Variants in VPS13A observed in about 807,000 individuals in gnomAD.
VPS13A encodes vacuolar protein sorting 13 homolog A, also known as intermembrane lipid transfer protein VPS13A.
In VPS13A, 264 loss-of-function variants were observed where a neutral mutation model predicts 390.9. The observed-to-expected ratio is 0.68, with a 90% CI of 0.61 to 0.75. VPS13A has a LOEUF of 0.75. Among genes scored for constraint, VPS13A ranks in the 30% least tolerant of loss-of-function variants. The probability of loss-of-function intolerance (pLI) is 0.00; values close to 1 mark genes in which losing one functional copy is unlikely to be tolerated. For missense variants in VPS13A, 3,409 were observed against 3,733.9 expected, an observed-to-expected ratio of 0.91 and a Z score of 2.27; for synonymous variants, 1,231 against 1,227.1, an observed-to-expected ratio of 1.00 and a Z score of -0.07.
Position 77,336,999 on chromosome 9 carries a change from G to T in VPS13A, c.6096-256G>T, listed in dbSNP as rs7023646. Among the ~76,000 whole-genome samples the T allele has an allele frequency of 5.4e-3, 821 of 151,484 alleles. 9 individuals carry two copies. Among genetic ancestry groups the T allele is most frequent in the African/African-American group, 0.019 (776 of 41,340 alleles). ...TTTTTAGTAGAGACGGGGTTTCACC[G>T]TCTTAGCCAGGATGGTCTCAATCTC... is the stretch of plus-strand genomic sequence containing the variant. On this transcript the variant is annotated intron_variant, in intron 46 of 71. Coordinates refer to ENST00000360280, the MANE Select transcript of VPS13A (RefSeq NM_033305.3).
At chr9:77,398,048 C>G (rs986586462) in intron 68 of VPS13A, among the ~76,000 whole-genome samples, 1 of 152,116 alleles carries the variant, frequency 6.6e-6, no homozygotes, top group Non-Finnish European at 1.5e-5. Context: ...CCTGATTTTG[C>G]TAATTCTTCA....
intron 34 of VPS13A, among the ~76,000 whole-genome samples, chr9:77,305,196 C>T (rs1053706619): frequency 1.3e-5 from 2 of 152,224 alleles, no homozygotes; most frequent in African/African-American, 4.8e-5. Flanking sequence ...CCTTGGCCTC[C>T]CAAAGTGCTG....
intron 57 of VPS13A, 76 bp from the exon 58 acceptor site, chr9:77,359,257 G>A (rs1368583066): frequency 8.6e-7 from 1 of 1,161,210 alleles, no homozygotes. Flanking sequence ...ATTTTCCATT[G>A]TGGTGTATAT....
rs143065513 is a variant in VPS13A at position 77,314,165 on chromosome 9, G to A, written c.4242+46G>A. 5.9e-5 allele frequency: 95 copies of A among 1,603,258 alleles called. No individual in the cohort carries two copies. In the East Asian group the frequency reaches 2.0e-3, roughly 34 times the overall value. Reference sequence around the variant, plus strand: ...AAATGTATTTTCACATGTGAAATTTGCATAGGTTGATGTTTTTAAAGTAAC... The same window carrying A: ...AAATGTATTTTCACATGTGAAATTTACATAGGTTGATGTTTTTAAAGTAAC... On this transcript the variant is annotated intron_variant, in intron 36 of 71. Coordinates refer to ENST00000360280, the MANE Select transcript of VPS13A (RefSeq NM_033305.3).
Position 77,344,400 on chromosome 9 carries a change from A to T in VPS13A, c.7155+119A>T, listed in dbSNP as rs1831028125. The stretch of plus-strand genomic sequence containing the variant: ...TGTTGATTTTTCCCCTTTCCCCAAA[A>T]ACGAACAAACATTTCTTTTTGTAGA... On this transcript the variant is annotated intron_variant, in intron 51 of 71. Coordinates refer to ENST00000360280, the MANE Select transcript of VPS13A (RefSeq NM_033305.3). 1.1e-5 allele frequency: 12 copies of T among 1,116,772 alleles called. No individual in the cohort carries two copies. In the South Asian group the frequency reaches 1.7e-4, roughly 16 times the overall value. 69.2% of individuals were successfully genotyped at this position (1,116,772 alleles called of 1,614,324 possible).
intron 50 of VPS13A, among the ~76,000 whole-genome samples, chr9:77,341,988 A>T (rs1830851680): frequency 6.6e-6 from 1 of 152,076 alleles, no homozygotes; most frequent in Non-Finnish European, 1.5e-5. Flanking sequence ...TGACAAGTCT[A>T]ATGTGGGAAA....
intron 45 of VPS13A, among the ~76,000 whole-genome samples, chr9:77,325,401 GT>G (rs566722890): frequency 0.025 from 3,061 of 123,374 alleles, 50 homozygotes; most frequent in South Asian, 0.06. Context: ...GTTAGACCTT[GT>G]TTTTTTTTTT....
At chr9:77,232,670 T>G (rs940836824) in intron 17 of VPS13A, among the ~76,000 whole-genome samples, 4 of 152,132 alleles carry the variant, frequency 2.6e-5, no homozygotes, top group African/African-American at 9.7e-5. Context: ...AAGTCATATC[T>G]TATATGGAGG....
chr9:77,251,203 G>A (rs911483262), intron 21 of VPS13A, among the ~76,000 whole-genome samples: 5 of 152,294 alleles, frequency 3.3e-5, no homozygotes, highest in African/African-American at 1.2e-4. Flanking sequence ...GGTGGCAGAA[G>A]TACGTTATTT....
chr9:77,352,742 A>G (rs1831540201), intron 53 of VPS13A, among the ~76,000 whole-genome samples: 1 of 152,114 alleles, frequency 6.6e-6, no homozygotes, highest in African/African-American at 2.4e-5. Flanking sequence ...TCCCCAGATA[A>G]TTATTTTATG....
Position 77,418,659 on chromosome 9 carries a change from C to G in VPS13A, c.*2653C>G, listed in dbSNP as rs1835246376. ...ATTACCACCTGTAGACAGTTCTTAC[C>G]TACCCCTCTCCTCCACAATCCTAGT... On this transcript the variant is annotated 3_prime_UTR_variant, in exon 72 of 72. Coordinates refer to ENST00000360280, the MANE Select transcript of VPS13A (RefSeq NM_033305.3). 2.9e-5 allele frequency: 4 copies of G among 136,978 alleles called. No individual in the cohort carries two copies. In the Admixed American group the frequency reaches 3.0e-4, roughly 10 times the overall value. 8.5% of individuals were successfully genotyped at this position (136,978 alleles called of 1,614,324 possible).
intron 22 of VPS13A, among the ~76,000 whole-genome samples, chr9:77,259,121 A>G (rs12343962): frequency 0.1 from 15,561 of 152,240 alleles, 825 homozygotes; most frequent in Middle Eastern, 0.13. Flanking sequence ...TATTGTGAGC[A>G]GTATAAAGTG....
intron 23 of VPS13A, 60 bp from the exon 24 acceptor site, chr9:77,273,220 T>C (rs1385425734): frequency 7.7e-7 from 1 of 1,307,166 alleles, no homozygotes; most frequent in East Asian, 2.4e-5. Flanking sequence ...TAAACATTTT[T>C]TGAATAAGCG....
At chr9:77,309,864 T>G (rs778742958) in intron 35 of VPS13A, among the ~76,000 whole-genome samples, 1 of 146,060 alleles carries the variant, frequency 6.8e-6, no homozygotes, top group Non-Finnish European at 1.5e-5. Flanking sequence ...AGCTAAGATT[T>G]TCTGAAGTTT....
At chr9:77,180,110 A>G (rs1256124497) in intron 1 of VPS13A, among the ~76,000 whole-genome samples, 1 of 152,188 alleles carries the variant, frequency 6.6e-6, no homozygotes, top group African/African-American at 2.4e-5. Context: ...TATACTCACC[A>G]GTTGCTGGAT....
chr9:77,341,835 ATTGT>A (rs1563940747), intron 50 of VPS13A, among the ~76,000 whole-genome samples: 1 of 150,518 alleles, frequency 6.6e-6, no homozygotes, highest in Non-Finnish European at 1.5e-5. Flanking sequence ...TTCAACAAAT[ATTGT>A]TTATTTTTTA....
At chr9:77,285,683 A>G (rs541564714) in intron 31 of VPS13A, among the ~76,000 whole-genome samples, 1 of 152,318 alleles carries the variant, frequency 6.6e-6, no homozygotes, top group Admixed American at 6.5e-5. Context: ...AAAAATTTGT[A>G]TAGAATTTGC....
chr9:77,406,754 T>C (rs1027982185), intron 70 of VPS13A, among the ~76,000 whole-genome samples: 2 of 151,964 alleles, frequency 1.3e-5, no homozygotes, highest in African/African-American at 4.8e-5. Context: ...AAGAATGTAA[T>C]TCTTCTAGTG....
intron 10 of VPS13A, among the ~76,000 whole-genome samples, chr9:77,215,991 G>A (rs1822840696): frequency 6.6e-6 from 1 of 152,182 alleles, no homozygotes; most frequent in Non-Finnish European, 1.5e-5. Context: ...ACTCCGTGCT[G>A]GAGGAACCAG....
Sources: gnomAD v4.1 joint callset for allele counts (sites outside exome capture counted in the v4.1 genomes callset) on GRCh38, gnomAD v4.1.1 for gene constraint, MANE v1.5 for transcripts, NCBI Gene and HGNC (gene_info 2026-07-23, HGNC 2026-07-21) for gene names.